Variants in ATOSA observed in about 807,000 individuals in gnomAD.
ATOSA encodes the protein atos homolog A, also known as atos homolog protein A.
At chr15:52,621,166 T>C in the ATOSA span, among the ~76,000 whole-genome samples, 1 of 152,226 alleles carries the variant, frequency 6.6e-6, no homozygotes, top group South Asian at 2.1e-4. Flanking sequence ...GTGGTCCAGT[T>C]AGATCTAAAA....
the ATOSA span, among the ~76,000 whole-genome samples, chr15:52,619,807 G>A: frequency 3.3e-5 from 5 of 151,160 alleles, no homozygotes; most frequent in African/African-American, 1.2e-4. Flanking sequence ...CTCCAGCCTG[G>A]GTGACAGAGA....
At chr15:52,599,933 C>G in the ATOSA span, among the ~76,000 whole-genome samples, 1 of 152,154 alleles carries the variant, frequency 6.6e-6, no homozygotes, top group Non-Finnish European at 1.5e-5. Context: ...TACCAGCTAT[C>G]CAATTCTAAG....
At chr15:52,626,788 C>T in the ATOSA span, among the ~76,000 whole-genome samples, 1 of 152,072 alleles carries the variant, frequency 6.6e-6, no homozygotes, top group Non-Finnish European at 1.5e-5. Flanking sequence ...TAGTTCAATT[C>T]CAATTGTGGC....
chr15:52,587,849 T>C, the ATOSA span, among the ~76,000 whole-genome samples: 1 of 152,234 alleles, frequency 6.6e-6, no homozygotes, highest in African/African-American at 2.4e-5. Flanking sequence ...AAAATCTCAC[T>C]TTCCTAAAAT....
the ATOSA span, among the ~76,000 whole-genome samples, chr15:52,646,679 T>G: frequency 2.0e-5 from 3 of 152,200 alleles, no homozygotes; most frequent in Non-Finnish European, 4.4e-5. Flanking sequence ...GCATACATAT[T>G]CTGAAAGTTG....
the ATOSA span, chr15:52,600,331 T>A: frequency 2.9e-6 from 2 of 686,688 alleles, no homozygotes; most frequent in South Asian, 3.7e-5. Context: ...CAGGCGGGAG[T>A]ACAGTGGCAC....
the ATOSA span, among the ~76,000 whole-genome samples, chr15:52,702,993 T>A: frequency 3.3e-5 from 5 of 152,072 alleles, no homozygotes; most frequent in Non-Finnish European, 5.9e-5. Context: ...AGTCTCAAAC[T>A]AGAAACAGCC....
chr15:52,604,570 A>C, the ATOSA span, among the ~76,000 whole-genome samples: 1 of 152,186 alleles, frequency 6.6e-6, no homozygotes, highest in East Asian at 1.9e-4. Context: ...GAGGGATGAT[A>C]CTAACCATCC....
chr15:52,611,309 T>C, the ATOSA span: 2 of 1,590,498 alleles, frequency 1.3e-6, no homozygotes, highest in Non-Finnish European at 8.6e-7. Context: ...AATGACTGAA[T>C]TTTAGAATGG....
chr15:52,697,819 TA>T, the ATOSA span, among the ~76,000 whole-genome samples: 1 of 151,734 alleles, frequency 6.6e-6, no homozygotes, highest in Non-Finnish European at 1.5e-5. Context: ...TGGTCAAAAT[TA>T]TGAAATAAAG....
chr15:52,689,270 TA>T, the ATOSA span, among the ~76,000 whole-genome samples: 1 of 152,200 alleles, frequency 6.6e-6, no homozygotes, highest in Non-Finnish European at 1.5e-5. Context: ...CTCTTATTCA[TA>T]AATATACATG....
At chr15:52,662,464 G>A in the ATOSA span, among the ~76,000 whole-genome samples, 2 of 152,176 alleles carry the variant, frequency 1.3e-5, no homozygotes, top group Non-Finnish European at 2.9e-5. Flanking sequence ...CTGACAAAAA[G>A]AGTATTATAA....
the ATOSA span, among the ~76,000 whole-genome samples, chr15:52,706,397 C>G: frequency 1.3e-5 from 2 of 152,250 alleles, no homozygotes; most frequent in East Asian, 3.9e-4. Flanking sequence ...GATGAGCTTT[C>G]CATAGTGGCA....
At chr15:52,655,466 A>G in the ATOSA span, among the ~76,000 whole-genome samples, 2 of 152,150 alleles carry the variant, frequency 1.3e-5, no homozygotes, top group African/African-American at 4.8e-5. Context: ...AGATCACCTA[A>G]TCCAGAGAAA....
the ATOSA span, among the ~76,000 whole-genome samples, chr15:52,665,333 G>A: frequency 6.6e-6 from 1 of 152,204 alleles, no homozygotes; most frequent in East Asian, 1.9e-4. Context: ...TATAATGTTG[G>A]AGAATGAAAA....
At chr15:52,600,897 T>C in the ATOSA span, among the ~76,000 whole-genome samples, 1 of 152,008 alleles carries the variant, frequency 6.6e-6, no homozygotes, top group Non-Finnish European at 1.5e-5. Context: ...ATGACCACTA[T>C]ATAGTTGCTA....
chr15:52,639,486 A>G, the ATOSA span, among the ~76,000 whole-genome samples: 1 of 152,238 alleles, frequency 6.6e-6, no homozygotes, highest in African/African-American at 2.4e-5. Flanking sequence ...AGTAAAATAT[A>G]TTGTATAATG....
At chr15:52,589,602 G>A in the ATOSA span, among the ~76,000 whole-genome samples, 1 of 152,022 alleles carries the variant, frequency 6.6e-6, no homozygotes, top group African/African-American at 2.4e-5. Context: ...AAAACAATTT[G>A]TAAGCAATGT....
chr15:52,690,014 A>AT, the ATOSA span, among the ~76,000 whole-genome samples: 10 of 152,146 alleles, frequency 6.6e-5, no homozygotes, highest in African/African-American at 2.2e-4. Flanking sequence ...ACCTGTTAAG[A>AT]TTTTTTTGTG....
Sources: allele counts gnomAD v4.1 joint callset (sites outside exome capture counted in the v4.1 genomes callset), GRCh38; gene constraint gnomAD v4.1.1; transcripts MANE v1.5; gene names NCBI Gene and HGNC (gene_info 2026-07-23, HGNC 2026-07-21).